UNKL: variants seen among roughly 807,000 people sequenced by gnomAD.
UNKL encodes the protein unk like zinc finger, also known as putative E3 ubiquitin-protein ligase UNKL.
UNKL carries 60 observed loss-of-function variants against 78.0 expected under a neutral mutation model. The observed-to-expected ratio is 0.77, with a 90% CI of 0.63 to 0.95. UNKL has a LOEUF of 0.95. UNKL is among the 40% of genes least tolerant of loss of function. The pLI, the probability that UNKL is intolerant of heterozygous loss-of-function variation, is 0.00. For missense variants in UNKL, 1,159 were observed against 1,045.7 expected, an observed-to-expected ratio of 1.11 and a Z score of -1.49; for synonymous variants, 608 against 474.8, an observed-to-expected ratio of 1.28 and a Z score of -3.65.
intron 9 of UNKL, among the ~76,000 whole-genome samples, chr16:1,388,676 G>A (rs1438677432): frequency 2.0e-5 from 3 of 152,142 alleles, no homozygotes; most frequent in African/African-American, 7.2e-5. Flanking sequence ...TGAGGGATGG[G>A]CACAGTGAGA....
chr16:1,384,413 G>A (rs1409096023), intron 10 of UNKL, among the ~76,000 whole-genome samples: 1 of 152,046 alleles, frequency 6.6e-6, no homozygotes, highest in Non-Finnish European at 1.5e-5. Context: ...TCCCAGCCAG[G>A]CCCCCACGGG....
Position 1,366,206 on chromosome 16 carries a change from G to C in UNKL, c.*34C>G, listed in dbSNP as rs1199195829. The C allele has an allele frequency of 4.1e-6, 6 of 1,477,624 alleles. No homozygotes were observed. The highest frequency in any genetic ancestry group is 2.6e-5 in the South Asian group (2 of 75,684). 91.5% of individuals were successfully genotyped at this position (1,477,624 alleles called of 1,614,324 possible). ...TGGTCAGGAGGAGCGCTGGAGCCAG[G>C]GTGCCCAGCAGGAGGTGGCTGTCCC... On this transcript the variant is annotated 3_prime_UTR_variant, in exon 15 of 15. Coordinates refer to ENST00000389221, the MANE Select transcript of UNKL (RefSeq NM_001372107.1).
intron 10 of UNKL, among the ~76,000 whole-genome samples, chr16:1,377,874 A>C (rs527255248): frequency 6.6e-6 from 1 of 152,098 alleles, no homozygotes; most frequent in African/African-American, 2.4e-5. Flanking sequence ...CTGCTCGCTC[A>C]ACCCACACCC....
At chr16:1,388,705 C>T (rs917759401) in intron 9 of UNKL, among the ~76,000 whole-genome samples, 3 of 152,106 alleles carry the variant, frequency 2.0e-5, no homozygotes, top group African/African-American at 7.2e-5. Context: ...ACGAGAGCTC[C>T]GTGAGGATCC....
chr16:1,411,526 T>C (rs1393698570), intron 2 of UNKL, among the ~76,000 whole-genome samples: 2 of 151,994 alleles, frequency 1.3e-5, no homozygotes, highest in African/African-American at 2.4e-5. Flanking sequence ...AGCAAGACCC[T>C]GTCTCAAAAA....
intron 10 of UNKL, among the ~76,000 whole-genome samples, chr16:1,375,208 G>A (rs1026860713): frequency 5.9e-5 from 9 of 152,214 alleles, no homozygotes; most frequent in African/African-American, 1.9e-4. Context: ...GCGTGGACGT[G>A]GCGCAGCTGG....
chr16:1,381,315 T>C (rs2036598154), intron 10 of UNKL, among the ~76,000 whole-genome samples: 1 of 152,230 alleles, frequency 6.6e-6, no homozygotes, highest in South Asian at 2.1e-4. Flanking sequence ...GTGTGCTTAT[T>C]TGTTTAAAAG....
At chr16:1,368,475 G>A (rs1359722208) in intron 12 of UNKL, among the ~76,000 whole-genome samples, 12 of 151,438 alleles carry the variant, frequency 7.9e-5, no homozygotes, top group South Asian at 6.3e-4. Context: ...GGTGGCGGGC[G>A]CCTGTAGTCC....
intron 2 of UNKL, among the ~76,000 whole-genome samples, chr16:1,411,411 GGTC>G (rs1304839167): frequency 2.0e-5 from 3 of 152,004 alleles, no homozygotes; most frequent in Admixed American, 6.6e-5. Flanking sequence ...GCACTCCTGT[GGTC>G]CCAGCTGCTC....
At chr16:1,389,049 C>G (rs2036936020) in intron 9 of UNKL, among the ~76,000 whole-genome samples, 1 of 151,860 alleles carries the variant, frequency 6.6e-6, no homozygotes, top group African/African-American at 2.4e-5. Context: ...TGAACACTTG[C>G]CCCCTCCCCC....
intron 12 of UNKL, 144 bp downstream of exon 12, chr16:1,369,986 A>AAC: frequency 6.4e-7 from 1 of 1,550,818 alleles, no homozygotes; most frequent in Non-Finnish European, 8.7e-7. Flanking sequence ...GGCGTGGGGG[A>AAC]ACCTGTGAGC....
intron 2 of UNKL, among the ~76,000 whole-genome samples, chr16:1,406,456 G>A (rs987358362): frequency 2.0e-5 from 3 of 152,022 alleles, no homozygotes; most frequent in African/African-American, 4.8e-5. Context: ...CAGGTGATCC[G>A]CCTGCCTTGG....
chr16:1,375,880 G>A (rs577996775), intron 10 of UNKL, among the ~76,000 whole-genome samples: 37 of 152,290 alleles, frequency 2.4e-4, no homozygotes, highest in African/African-American at 7.0e-4. Flanking sequence ...CAGCCCTCCC[G>A]GTCGCTGTCA....
At position 1,388,084 on chromosome 16, in the gene UNKL, G is replaced by A. The variant is rs370150101; in HGVS notation, c.1086+2548C>T. Among the ~76,000 whole-genome samples the A allele has an allele frequency of 1.2e-4, 18 of 152,324 alleles. 1 individual carries two copies. The South Asian group carries it at 3.7e-3, about 32-fold the overall frequency. ...GAGGCCACCTCCCATGTAAGGGAGA[G>A]CTGAGGGACTGTTGCCTGGAAGGGC... On this transcript the variant is annotated intron_variant, in intron 9 of 14. Transcript: ENST00000389221.
chr16:1,399,773 G>A lies in UNKL; in HGVS notation c.599-264C>T, dbSNP rs924640502. ...GAACCCACAGAGACGGAGTGGAGCC[G>A]AGACCACCAGGGCTGGGAGGGAGTC... On this transcript the variant is annotated intron_variant, in intron 4 of 14. Coordinates refer to ENST00000389221, the MANE Select transcript of UNKL (RefSeq NM_001372107.1). The surrounding 1 kb of genome is among the most constrained non-coding windows in gnomAD (Gnocchi z 5.8). Among the ~76,000 whole-genome samples, 30 of 152,336 alleles carry A rather than the reference G, an allele frequency of 2.0e-4. No individual in the cohort carries two copies. Among genetic ancestry groups the A allele is most frequent in the South Asian group, 4.1e-4 (2 of 4,826 alleles).
intron 2 of UNKL, among the ~76,000 whole-genome samples, chr16:1,404,769 G>T (rs2037673590): frequency 6.6e-6 from 1 of 152,182 alleles, no homozygotes; most frequent in Non-Finnish European, 1.5e-5. Flanking sequence ...ACACAACATG[G>T]TTAATGCGGG....
intron 11 of UNKL, 30 bp from the exon 12 acceptor site, chr16:1,370,387 A>C (rs2035705753): frequency 6.5e-7 from 1 of 1,528,444 alleles, no homozygotes; most frequent in African/African-American, 1.4e-5. Context: ...CAGCGAAGGG[A>C]GTACCGCCAG....
chr16:1,367,569 T>TCCCTC (rs1358787570), intron 13 of UNKL, 87 bp downstream of exon 13: 1 of 201,780 alleles, frequency 5.0e-6, no homozygotes, highest in Non-Finnish European at 8.8e-6. Context: ...CCTCCCTCCC[T>TCCCTC]CCCCTCCCAT....
Position 1,367,146 on chromosome 16 carries a change from C to T in UNKL, c.1992G>A (p.Pro664=), listed in dbSNP as rs754236848. The T allele has an allele frequency of 3.1e-5, 50 of 1,600,356 alleles. 2 individuals are homozygous for T. In the South Asian group the frequency reaches 3.6e-4, roughly 12 times the overall value. ...GCGDIGTIPL[P]KLHSLQSQLR... ...GCTGACTCTGCAGCGAGTGCAGCTT[C>T]GGCAGGGGAATGGTGCCGATGTCCC... The change falls in exon 14 of 15, where the codon CCG becomes CCA. Residue 664 remains proline (P), a synonymous_variant. Transcript: ENST00000389221.
Sources: gnomAD v4.1 joint callset for allele counts (sites outside exome capture counted in the v4.1 genomes callset) on GRCh38, gnomAD v4.1.1 for gene constraint, Gnocchi (gnomAD v3.1) non-coding constraint, MANE v1.5 for transcripts, NCBI Gene and HGNC (gene_info 2026-07-23, HGNC 2026-07-21) for gene names.